Variants in LOXHD1 observed in about 807,000 individuals in gnomAD.
LOXHD1 encodes the protein lipoxygenase homology PLAT domains 1.
LOXHD1 carries 205 observed loss-of-function variants against 248.2 expected under a neutral mutation model. The ratio of observed to expected loss-of-function variants is 0.83; its 90% confidence interval spans 0.74 to 0.93. LOXHD1 has a LOEUF of 0.93. Ranked by LOEUF, LOXHD1 falls within the 40% of genes least tolerant of loss-of-function variation. The pLI is 0.00. For missense variants in LOXHD1, 2,930 were observed against 2,971.6 expected (o/e 0.99, Z 0.33); for synonymous variants, 1,113 against 1,162.8 (o/e 0.96, Z 0.87).
chr18:46,595,673 A>G (rs2038246425), intron 8 of LOXHD1, among the ~76,000 whole-genome samples: 1 of 152,184 alleles, frequency 6.6e-6, no homozygotes, highest in African/African-American at 2.4e-5. Flanking sequence ...TCCATTTTTT[A>G]TGCTGAAGAT....
At chr18:46,652,848 CA>C (rs1338760940) in intron 1 of LOXHD1, among the ~76,000 whole-genome samples, 2 of 152,116 alleles carry the variant, frequency 1.3e-5, no homozygotes, top group African/African-American at 4.8e-5. Flanking sequence ...TAGTAATCAG[CA>C]ATAAAAAAGA....
chr18:46,612,340 T>C (rs1488140364), intron 5 of LOXHD1, among the ~76,000 whole-genome samples: 1 of 152,184 alleles, frequency 6.6e-6, no homozygotes, highest in African/African-American at 2.4e-5. Flanking sequence ...TTACATTAAT[T>C]ACCACCAGTA....
chr18:46,622,264 C>A (rs2038678786), intron 4 of LOXHD1, among the ~76,000 whole-genome samples: 1 of 152,136 alleles, frequency 6.6e-6, no homozygotes, highest in African/African-American at 2.4e-5. Context: ...GGCATGAAAG[C>A]AACAATAGAC....
At position 46,592,058 on chromosome 18, in the gene LOXHD1, A is replaced by C; in HGVS notation, c.1529T>G (p.Met510Arg). The C allele has an allele frequency of 6.4e-7, 1 of 1,552,276 alleles. No homozygotes were observed. The highest frequency in any genetic ancestry group is 8.7e-7 in the Non-Finnish European group (1 of 1,147,082). The stretch of plus-strand genomic sequence containing the variant: ...GTACTTGTCTTTGTTCAGAGTGTTC[A>C]TCAGGGTCATCTGGAATGAAGTTCT... ...SGWHLERMTL[M>R]NTLNKDKYNF... Residue 510 changes from methionine (M) to arginine (R), a missense_variant, in exon 12 of 41, where the codon ATG (methionine) becomes AGG (arginine). Met to Arg is a moderately conservative substitution (Grantham distance 91). Coordinates refer to ENST00000642948, the MANE Select transcript of LOXHD1 (RefSeq NM_001384474.1).
chr18:46,520,584 C>T, intron 33 of LOXHD1: 1 of 288,850 alleles, frequency 3.5e-6, no homozygotes, highest in Non-Finnish European at 6.7e-6. Flanking sequence ...GACCTCTTGC[C>T]CTCCAGGCTT....
chr18:46,622,815 G>A (rs2038687389), intron 4 of LOXHD1, among the ~76,000 whole-genome samples: 1 of 152,218 alleles, frequency 6.6e-6, no homozygotes, highest in African/African-American at 2.4e-5. Flanking sequence ...GGCGTGGTCT[G>A]GGGTTTCCTA....
At chr18:46,514,171 A>C (rs1317417399) in intron 34 of LOXHD1, among the ~76,000 whole-genome samples, 4 of 152,214 alleles carry the variant, frequency 2.6e-5, no homozygotes, top group Non-Finnish European at 2.9e-5. Context: ...AGTCTCTGCT[A>C]TTCTTGAATG....
intron 5 of LOXHD1, among the ~76,000 whole-genome samples, chr18:46,617,446 T>G (rs973042618): frequency 3.3e-5 from 5 of 152,148 alleles, no homozygotes; most frequent in African/African-American, 1.2e-4. Flanking sequence ...GCATGAAAGC[T>G]CTCTCCTTCC....
chr18:46,496,130 A>G lies in LOXHD1; in HGVS notation c.5879-6988T>C, dbSNP rs1215674039. On this transcript the variant is annotated intron_variant, in intron 37 of 40. Transcript: ENST00000642948. ...CAGCAACCAAAAAGAAAAAATTTTA[A>G]AAGGTATGAACAATACAGCTGGTGT... Among the ~76,000 whole-genome samples the G allele has an allele frequency of 2.6e-5, 4 of 152,218 alleles. No homozygotes were observed. The East Asian group carries it at 7.7e-4, about 29-fold the overall frequency.
chr18:46,610,169 TGAA>T (rs1462770632), intron 6 of LOXHD1, among the ~76,000 whole-genome samples: 3 of 152,120 alleles, frequency 2.0e-5, no homozygotes, highest in Non-Finnish European at 4.4e-5. Context: ...GGCAGAGTCT[TGAA>T]GAATGAACAG....
intron 18 of LOXHD1, among the ~76,000 whole-genome samples, chr18:46,561,212 G>A (rs1189546015): frequency 1.3e-5 from 2 of 152,238 alleles, no homozygotes; most frequent in Admixed American, 6.5e-5. Context: ...TTTAGCTGTG[G>A]TGCCGGTTTG....
chr18:46,520,802 C>T (rs891715184), intron 33 of LOXHD1: 3 of 371,412 alleles, frequency 8.1e-6, no homozygotes, highest in Non-Finnish European at 1.5e-5. Flanking sequence ...CTCAACAAGA[C>T]CATACATGGA....
chr18:46,544,923 G>C (rs1359383790), intron 23 of LOXHD1: 1 of 475,514 alleles, frequency 2.1e-6, no homozygotes, highest in South Asian at 1.5e-5. Context: ...TGGCTGGACA[G>C]TGGCGTGAGC....
intron 32 of LOXHD1, among the ~76,000 whole-genome samples, 170 bp from the exon 33 acceptor site, chr18:46,521,452 T>G (rs1413168585): frequency 6.6e-6 from 1 of 152,154 alleles, no homozygotes; most frequent in East Asian, 1.9e-4. Flanking sequence ...AGCCTCTAAT[T>G]AGGTGACTTT....
chr18:46,637,319 G>T (rs1249039193), intron 4 of LOXHD1, among the ~76,000 whole-genome samples: 3 of 152,206 alleles, frequency 2.0e-5, no homozygotes, highest in Non-Finnish European at 2.9e-5. Flanking sequence ...AGGTCAGGGG[G>T]TGTCTACCCT....
At chr18:46,603,723 A>G (rs1217802152) in intron 7 of LOXHD1, among the ~76,000 whole-genome samples, 3 of 152,214 alleles carry the variant, frequency 2.0e-5, no homozygotes, top group Non-Finnish European at 4.4e-5. Context: ...GGTTGTGAGG[A>G]CTGAAGGACA....
chr18:46,625,325 A>G (rs899689986), intron 4 of LOXHD1, among the ~76,000 whole-genome samples: 1 of 152,186 alleles, frequency 6.6e-6, no homozygotes, highest in African/African-American at 2.4e-5. Flanking sequence ...GTTATGCACC[A>G]ACATGAAAAC....
intron 12 of LOXHD1, among the ~76,000 whole-genome samples, chr18:46,583,816 A>T (rs2038007609): frequency 6.7e-6 from 1 of 150,128 alleles, no homozygotes; most frequent in Admixed American, 6.7e-5. Flanking sequence ...GAACCACATG[A>T]TCCAATAATC....
chr18:46,609,771 C>T (rs889992963), intron 6 of LOXHD1, among the ~76,000 whole-genome samples: 8 of 152,082 alleles, frequency 5.3e-5, no homozygotes, highest in East Asian at 1.9e-4. Flanking sequence ...TCTAATTTTC[C>T]GCTAGAGGTT....
Sources: allele counts gnomAD v4.1 joint callset (sites outside exome capture counted in the v4.1 genomes callset), GRCh38; gene constraint gnomAD v4.1.1; transcripts MANE v1.5; gene names NCBI Gene and HGNC (gene_info 2026-07-23, HGNC 2026-07-21).